ZSCAN20: variants seen among roughly 807,000 people sequenced by gnomAD.
ZSCAN20 encodes zinc finger and SCAN domain-containing protein 20.
In ZSCAN20, 39 loss-of-function variants were observed where a neutral mutation model predicts 97.1. That is an observed-to-expected ratio of 0.40 (90% CI 0.31 to 0.52). The LOEUF (loss-of-function observed/expected upper bound fraction) is 0.52. Ranked by LOEUF, ZSCAN20 falls within the 20% of genes least tolerant of loss-of-function variation. ZSCAN20 has a pLI of 0.49. For missense variants in ZSCAN20, 1,115 were observed against 1,290.4 expected (o/e 0.86, Z 2.08); for synonymous variants, 456 against 467.3 (o/e 0.98, Z 0.31).
chr1:33,477,096 T>C (rs10914732), intron 1 of ZSCAN20, among the ~76,000 whole-genome samples: 63,877 of 151,914 alleles, frequency 0.42, 13,593 homozygotes, highest in Non-Finnish European at 0.46. Flanking sequence ...TATGTACCAA[T>C]TGCTTTGGTG....
At chr1:33,478,169 G>A (rs1652005866) in intron 1 of ZSCAN20, among the ~76,000 whole-genome samples, 1 of 152,142 alleles carries the variant, frequency 6.6e-6, no homozygotes, top group African/African-American at 2.4e-5. Flanking sequence ...GGGAGGTGGT[G>A]TAGTCAGGCT....
chr1:33,493,712 A>T lies in ZSCAN20; in HGVS notation c.1873+97A>T. On this transcript the variant is annotated intron_variant, in intron 7 of 7. Coordinates refer to ENST00000684572, the MANE Select transcript of ZSCAN20 (RefSeq NM_001377376.1). The surrounding 1 kb of genome is among the most constrained non-coding windows in gnomAD (Gnocchi z 4.3). ...ATCTTTTGTCTCTTAACTAAAAGAG[A>T]GAATGGGATTGAATGGGAAAAAGTA... The T allele has an allele frequency of 7.5e-7, 1 of 1,330,768 alleles. No individual in the cohort carries two copies. Among genetic ancestry groups the T allele is most frequent in the Non-Finnish European group, 1.0e-6 (1 of 982,334 alleles). The allele number at this position is 1,330,768 out of a possible 1,614,324, so 82.4% of individuals were successfully genotyped here.
In ZSCAN20 at chr1:33,497,174, C is replaced by T. The variant is rs989127559; in HGVS notation, c.*1698C>T. ...CCAGTGGAGAGATTTGCTACTCCCA[C>T]AGAGTGATATCCCTTCTTAACCCCT... On this transcript the variant is annotated 3_prime_UTR_variant, in exon 8 of 8. Transcript: ENST00000684572. 2.0e-5 allele frequency among the ~76,000 whole-genome samples: 3 copies of T among 152,202 alleles called. No homozygotes were observed. The highest frequency in any genetic ancestry group is 4.4e-5 in the Non-Finnish European group (3 of 68,038).
chr1:33,474,556 C>T (rs1195327518), intron 1 of ZSCAN20, among the ~76,000 whole-genome samples: 1 of 152,180 alleles, frequency 6.6e-6, no homozygotes, highest in Non-Finnish European at 1.5e-5. Context: ...CCCTCATGAC[C>T]TGGGAGGCTC....
chr1:33,495,224 A>C lies in ZSCAN20; in HGVS notation c.2880A>C (p.Lys960Asn). The part of the protein sequence containing the change: ...QRVHTGEKPY[K>N]CLECGKFFRD... ...TGCACACAGGAGAGAAGCCCTACAA[A>C]TGCCTTGAGTGTGGAAAATTCTTCC... The change falls in exon 8 of 8, where the codon AAA becomes AAC. Residue 960 changes from lysine (K) to asparagine (N), a missense_variant. Physicochemically the swap from Lys to Asn is moderately conservative, Grantham distance 94 (BLOSUM62 0). This residue lies in a region of ZSCAN20 where 554 missense variants were observed against 584.9 expected (regional missense o/e 0.95). Coordinates refer to ENST00000684572, the MANE Select transcript of ZSCAN20 (RefSeq NM_001377376.1). 1 of 1,613,740 alleles carries C rather than the reference A, an allele frequency of 6.2e-7. No homozygotes were observed. The highest frequency in any genetic ancestry group is 1.3e-5 in the African/African-American group (1 of 74,992).
rs551005768 is a variant in ZSCAN20, at chr1:33,477,600, G to A, written c.-110-1579G>A. ...AAAGTGGTAAGTGTCACAGAGACAT[G>A]GAAATAAAAGAGAAAGGAATTCCTT... On this transcript the variant is annotated intron_variant, in intron 1 of 7. Transcript: ENST00000684572. Among the ~76,000 whole-genome samples, 5 of 150,450 alleles carry A rather than the reference G, an allele frequency of 3.3e-5. No individual in the cohort carries two copies. The South Asian group carries it at 1.1e-3, about 32-fold the overall frequency.
At chr1:33,480,112 T>G (rs1652095372) in intron 2 of ZSCAN20, among the ~76,000 whole-genome samples, 2 of 152,238 alleles carry the variant, frequency 1.3e-5, no homozygotes, top group Non-Finnish European at 2.9e-5. Context: ...TGTTTTATAC[T>G]TAACAAAATC....
intron 2 of ZSCAN20, among the ~76,000 whole-genome samples, chr1:33,485,066 T>C (rs1371369214): frequency 6.6e-6 from 1 of 152,252 alleles, no homozygotes; most frequent in African/African-American, 2.4e-5. Flanking sequence ...CTGGAAGAGA[T>C]AGTAGAGAAT....
rs775139450 is a variant in ZSCAN20 at position 33,494,198 on chromosome 1, A to C, written c.1874-20A>C. 6.5e-7 allele frequency: 1 copy of C among 1,539,582 alleles called. No homozygotes were observed. Among genetic ancestry groups the C allele is most frequent in the African/African-American group, 1.4e-5 (1 of 72,364 alleles). On this transcript the variant is annotated intron_variant, in intron 7 of 7. Coordinates refer to ENST00000684572, the MANE Select transcript of ZSCAN20 (RefSeq NM_001377376.1). Reference sequence around the variant, plus strand: ...GCGCTAATGAGTGAAGAAAAACTGCATTTCTGTCCATTTTTTCAGGTTTTG... The same window carrying C: ...GCGCTAATGAGTGAAGAAAAACTGCCTTTCTGTCCATTTTTTCAGGTTTTG...
At position 33,494,673 on chromosome 1, in the gene ZSCAN20, G is replaced by T; in HGVS notation, c.2329G>T (p.Asp777Tyr). 2 of 1,613,980 alleles carry T rather than the reference G, an allele frequency of 1.2e-6. No homozygotes were observed. Among genetic ancestry groups the T allele is most frequent in the Non-Finnish European group, 1.7e-6 (2 of 1,179,988 alleles). ...CCTTGAATGTGGGAAAAGCTTTAGT[G>T]ACCATTCTAATCTCATCACTCACCA... ...KCLECGKSFS[D>Y]HSNLITHQRI... is the part of the protein sequence containing the mutation. The change falls in exon 8 of 8, where the codon GAC becomes TAC. Residue 777 changes from aspartate to tyrosine, a missense_variant. Physicochemically the swap from Asp to Tyr is radical, Grantham distance 160. This residue lies in a region of ZSCAN20 where 554 missense variants were observed against 584.9 expected (regional missense o/e 0.95). Transcript: ENST00000684572.
rs1234420429 is a variant in ZSCAN20, at chr1:33,493,854, A to G, written c.1873+239A>G. Among the ~76,000 whole-genome samples, 1 of 152,186 alleles carries G rather than the reference A, an allele frequency of 6.6e-6. No individual in the cohort carries two copies. The highest frequency in any genetic ancestry group is 1.5e-5 in the Non-Finnish European group (1 of 68,022). On this transcript the variant is annotated intron_variant, in intron 7 of 7. Coordinates refer to ENST00000684572, the MANE Select transcript of ZSCAN20 (RefSeq NM_001377376.1). The surrounding 1 kb of genome is among the most constrained non-coding windows in gnomAD (Gnocchi z 4.3). ...TCTGGGCGGTTAGAGACTTTATTCA[A>G]TCCAGTATGACACAGGATATATGGA... is the stretch of plus-strand genomic sequence containing the variant.
chr1:33,474,824 C>T (rs2148441689), intron 1 of ZSCAN20, among the ~76,000 whole-genome samples: 1 of 152,298 alleles, frequency 6.6e-6, no homozygotes, highest in East Asian at 1.9e-4. Context: ...CTGTAGTGCC[C>T]ACCCAGTTCA....
intron 2 of ZSCAN20, among the ~76,000 whole-genome samples, chr1:33,483,631 A>G (rs1652238635): frequency 6.6e-6 from 1 of 150,908 alleles, no homozygotes; most frequent in South Asian, 2.1e-4. Context: ...TGAGCCCAGG[A>G]GTTTGAGAAC....
chr1:33,483,770 G>A (rs1652244906), intron 2 of ZSCAN20, among the ~76,000 whole-genome samples: 2 of 152,084 alleles, frequency 1.3e-5, no homozygotes, highest in African/African-American at 2.4e-5. Flanking sequence ...TTGATTGGGT[G>A]TTGAATCTGT....
At chr1:33,489,415 G>A in intron 4 of ZSCAN20, 103 bp from the exon 5 acceptor site, 1 of 1,192,322 alleles carries the variant, frequency 8.4e-7, no homozygotes, top group Non-Finnish European at 1.2e-6. Flanking sequence ...TTCACACATG[G>A]TATCCCTCTG....
At chr1:33,489,650 AC>A in intron 5 of ZSCAN20, 48 bp downstream of exon 5, 1 of 1,557,230 alleles carries the variant, frequency 6.4e-7, no homozygotes, top group Non-Finnish European at 8.9e-7. Flanking sequence ...CTTCTGATAC[AC>A]CCAGTTCCCA....
At chr1:33,474,501 T>A (rs1395706234) in intron 1 of ZSCAN20, among the ~76,000 whole-genome samples, 1 of 152,210 alleles carries the variant, frequency 6.6e-6, no homozygotes, top group Non-Finnish European at 1.5e-5. Context: ...TCAGCTTCCC[T>A]GTGTTTGTAA....
rs533344233 is a variant in ZSCAN20 at position 33,499,563 on chromosome 1, C to T, written c.*4087C>T. Among the ~76,000 whole-genome samples, 1 of 152,232 alleles carries T rather than the reference C, an allele frequency of 6.6e-6. No homozygotes were observed. The highest frequency in any genetic ancestry group is 6.5e-5 in the Admixed American group (1 of 15,292). On this transcript the variant is annotated 3_prime_UTR_variant, in exon 8 of 8. Coordinates refer to ENST00000684572, the MANE Select transcript of ZSCAN20 (RefSeq NM_001377376.1). ...CAGCACGTGCATTGATGTACACACT[C>T]AGTGACTCCCATCCAAGCCTCCCCT...
chr1:33,500,514 A>G lies in ZSCAN20; in HGVS notation c.*5038A>G, dbSNP rs1389724824. On this transcript the variant is annotated 3_prime_UTR_variant, in exon 8 of 8. Transcript: ENST00000684572. ...TTAGAAGAGTAAAAAGAAGAATACA[A>G]TTAGATAATTTTACCTAAACATGCT... Among the ~76,000 whole-genome samples the G allele has an allele frequency of 2.0e-5, 3 of 152,170 alleles. No individual in the cohort carries two copies. The highest frequency in any genetic ancestry group is 2.9e-5 in the Non-Finnish European group (2 of 68,034).
Sources: allele counts gnomAD v4.1 joint callset (sites outside exome capture counted in the v4.1 genomes callset), GRCh38; gene constraint gnomAD v4.1.1; regional missense constraint gnomAD v4.1.1; non-coding constraint Gnocchi (gnomAD v3.1); transcripts MANE v1.5; gene names NCBI Gene and HGNC (gene_info 2026-07-23, HGNC 2026-07-21).